The following ICA1L variants were observed in gnomAD, a reference collection of about 807,000 sequenced individuals.
ICA1L encodes islet cell autoantigen 1 like.
ICA1L carries 50 observed loss-of-function variants against 61.3 expected under a neutral mutation model. That is an observed-to-expected ratio of 0.82 (90% CI 0.65 to 1.03). ICA1L has a LOEUF of 1.03. Ranked by LOEUF, ICA1L falls within the 50% of genes least tolerant of loss-of-function variation. The pLI, the probability that ICA1L is intolerant of heterozygous loss-of-function variation, is 0.00. For synonymous variants in ICA1L, 161 were observed against 191.3 expected (o/e 0.84, Z 1.31); for missense variants, 508 against 556.7 (o/e 0.91, Z 0.88).
intron 1 of ICA1L, among the ~76,000 whole-genome samples, chr2:202,854,395 G>A (rs929726377): frequency 1.3e-5 from 2 of 152,106 alleles, no homozygotes; most frequent in Non-Finnish European, 2.9e-5. Flanking sequence ...CATAAAACAA[G>A]TTCTTAGAGA....
intron 1 of ICA1L, among the ~76,000 whole-genome samples, chr2:202,847,778 C>A (rs1331525919): frequency 6.9e-6 from 1 of 144,770 alleles, no homozygotes; most frequent in Non-Finnish European, 1.5e-5. Context: ...GATACAGGCA[C>A]TTGTATGTTC....
intron 10 of ICA1L, among the ~76,000 whole-genome samples, chr2:202,790,455 C>T (rs545041070): frequency 6.6e-6 from 1 of 152,268 alleles, no homozygotes; most frequent in Non-Finnish European, 1.5e-5. Flanking sequence ...GAACCAGTCC[C>T]ATCTTCCCGC....
chr2:202,773,960 C>A lies in ICA1L; in HGVS notation c.*5573G>T. On this transcript the variant is annotated 3_prime_UTR_variant, in exon 13 of 13. Coordinates refer to ENST00000358299, the MANE Select transcript of ICA1L (RefSeq NM_001288622.3). ...TTCTTCTCTTCCGCTTATTACTTGC[C>A]ACTGTGTTTTAAAAGGTATATGGTA... 1 of 1,063,880 alleles carries A rather than the reference C, an allele frequency of 9.4e-7. No homozygotes were observed. The highest frequency in any genetic ancestry group is 1.4e-6 in the Non-Finnish European group (1 of 716,170). 65.9% of individuals were successfully genotyped at this position (1,063,880 alleles called of 1,614,324 possible).
chr2:202,807,412 G>A (rs1399148138), intron 9 of ICA1L, among the ~76,000 whole-genome samples: 17 of 152,188 alleles, frequency 1.1e-4, no homozygotes, highest in Non-Finnish European at 2.9e-5. Context: ...CACAGAGGGG[G>A]CAGTTAGACC....
At chr2:202,838,770 A>C (rs1336312500) in intron 1 of ICA1L, among the ~76,000 whole-genome samples, 1 of 152,204 alleles carries the variant, frequency 6.6e-6, no homozygotes, top group East Asian at 1.9e-4. Flanking sequence ...AAAGAGGTTT[A>C]ATTGGCTCAT....
At chr2:202,801,901 T>A (rs574371466) in intron 9 of ICA1L, among the ~76,000 whole-genome samples, 2 of 152,318 alleles carry the variant, frequency 1.3e-5, no homozygotes, top group South Asian at 4.1e-4. Context: ...AATTTTCTTT[T>A]GCAAAAAATT....
chr2:202,792,620 C>A (rs535349234), intron 10 of ICA1L, among the ~76,000 whole-genome samples: 4 of 152,024 alleles, frequency 2.6e-5, no homozygotes, highest in South Asian at 2.1e-4. Flanking sequence ...CTGGCTAACA[C>A]AGTGAAACCC....
chr2:202,794,647 A>T (rs1195255534), intron 10 of ICA1L, among the ~76,000 whole-genome samples: 1 of 152,200 alleles, frequency 6.6e-6, no homozygotes, highest in Non-Finnish European at 1.5e-5. Flanking sequence ...TCAGCTATAT[A>T]CCAGGATATA....
intron 1 of ICA1L, among the ~76,000 whole-genome samples, chr2:202,834,560 G>A (rs903890311): frequency 6.6e-6 from 1 of 152,064 alleles, no homozygotes. Flanking sequence ...ACTGGGAGGT[G>A]GAGGTTGCAG....
At chr2:202,788,078 G>A (rs1432533220) in intron 11 of ICA1L, among the ~76,000 whole-genome samples, 6 of 152,230 alleles carry the variant, frequency 3.9e-5, no homozygotes, top group Non-Finnish European at 8.8e-5. Context: ...GTAGGAGATA[G>A]GAGATATGGG....
Position 202,825,761 on chromosome 2 carries a change from G to A in ICA1L, c.169C>T (p.His57Tyr). The change falls in exon 3 of 13, where the codon CAC becomes TAC. Residue 57 changes from histidine to tyrosine, a missense_variant. His to Tyr is a moderately conservative substitution (Grantham distance 83, BLOSUM62 2). Transcript: ENST00000358299. ...AELDAKLEVF[H>Y]SVQETCTELL... is the part of the protein sequence containing the mutation. ...TCAGTGCATGTCTCTTGAACAGAGT[G>A]AAAAACCTTGAGATATAAATTTTAT... 6.4e-7 allele frequency: 1 copy of A among 1,554,702 alleles called. No individual in the cohort carries two copies. Among genetic ancestry groups the A allele is most frequent in the South Asian group, 1.2e-5 (1 of 83,506 alleles).
intron 10 of ICA1L, among the ~76,000 whole-genome samples, chr2:202,793,500 A>ATT (rs2105826226): frequency 7.2e-6 from 1 of 139,092 alleles, no homozygotes; most frequent in African/African-American, 2.7e-5. Flanking sequence ...CTACTAAAAA[A>ATT]AAAAAAAAAA....
intron 1 of ICA1L, among the ~76,000 whole-genome samples, chr2:202,831,810 G>T (rs879593244): frequency 5.3e-5 from 8 of 152,176 alleles, no homozygotes; most frequent in Non-Finnish European, 8.8e-5. Flanking sequence ...TTATGACCAA[G>T]GGCACTGCTA....
chr2:202,782,360 AAAAC>A (rs886637880), intron 12 of ICA1L, among the ~76,000 whole-genome samples: 7 of 151,762 alleles, frequency 4.6e-5, no homozygotes, highest in African/African-American at 1.7e-4. Context: ...AACAAAAACA[AAAAC>A]AAAACATCAA....
chr2:202,819,587 T>G, intron 5 of ICA1L, 114 bp downstream of exon 5: 1 of 819,546 alleles, frequency 1.2e-6, no homozygotes, highest in Non-Finnish European at 2.0e-6. Context: ...CAACCAAGAA[T>G]GTATAATGAA....
At chr2:202,810,946 C>T (rs1000745205) in intron 9 of ICA1L, among the ~76,000 whole-genome samples, 11 of 152,300 alleles carry the variant, frequency 7.2e-5, no homozygotes, top group East Asian at 1.9e-4. Flanking sequence ...GCTCTCAAAC[C>T]GTGTCTCTGA....
At chr2:202,854,521 T>G (rs900140983) in intron 1 of ICA1L, among the ~76,000 whole-genome samples, 2 of 152,202 alleles carry the variant, frequency 1.3e-5, no homozygotes, top group Non-Finnish European at 2.9e-5. Flanking sequence ...GGACTTGAAC[T>G]CAGCTCTGGA....
chr2:202,854,596 T>A (rs1371179391), intron 1 of ICA1L, among the ~76,000 whole-genome samples: 1 of 152,232 alleles, frequency 6.6e-6, no homozygotes, highest in Non-Finnish European at 1.5e-5. Context: ...TACATTCTTC[T>A]CAGTGCCACA....
At chr2:202,785,404 G>T (rs1230526209) in intron 12 of ICA1L, among the ~76,000 whole-genome samples, 1 of 151,982 alleles carries the variant, frequency 6.6e-6, no homozygotes, top group Non-Finnish European at 1.5e-5. Context: ...AGTACACTTT[G>T]TCAAGCTCAC....
Sources: allele counts gnomAD v4.1 joint callset (sites outside exome capture counted in the v4.1 genomes callset), GRCh38; gene constraint gnomAD v4.1.1; transcripts MANE v1.5; gene names NCBI Gene and HGNC (gene_info 2026-07-23, HGNC 2026-07-21).